The following GOLIM4 variants were observed in gnomAD, a reference collection of about 807,000 sequenced individuals.
GOLIM4 encodes the protein golgi integral membrane protein 4.
GOLIM4 carries 71 observed loss-of-function variants against 107.4 expected under a neutral mutation model. The observed-to-expected ratio is 0.66, with a 90% CI of 0.55 to 0.81. The LOEUF (loss-of-function observed/expected upper bound fraction) is 0.81, where lower values mean the gene tolerates loss of function less well. Ranked by LOEUF, GOLIM4 falls within the 30% of genes least tolerant of loss-of-function variation. The pLI is 0.00. For synonymous variants in GOLIM4, 327 were observed against 294.8 expected (o/e 1.11, Z -1.12); for missense variants, 830 against 826.1 (o/e 1.00, Z -0.06).
intron 1 of GOLIM4, among the ~76,000 whole-genome samples, chr3:168,084,775 A>C (rs1377769055): frequency 6.6e-6 from 1 of 152,232 alleles, no homozygotes; most frequent in Non-Finnish European, 1.5e-5. Flanking sequence ...AGTGTTAGTG[A>C]GAATGTGCCT....
At chr3:168,043,972 G>C (rs986226496) in intron 4 of GOLIM4, among the ~76,000 whole-genome samples, 2 of 152,210 alleles carry the variant, frequency 1.3e-5, no homozygotes, top group Non-Finnish European at 2.9e-5. Flanking sequence ...AAAAGAGAGA[G>C]AGTAAATGAG....
intron 1 of GOLIM4, among the ~76,000 whole-genome samples, chr3:168,050,259 G>A (rs1719539966): frequency 1.5e-5 from 2 of 137,186 alleles, no homozygotes; most frequent in African/African-American, 5.8e-5. Flanking sequence ...CAAGTCCACT[G>A]CTAAAAAGTA....
intron 1 of GOLIM4, among the ~76,000 whole-genome samples, chr3:168,062,749 T>C (rs1011345063): frequency 4.6e-5 from 7 of 152,232 alleles, no homozygotes; most frequent in Middle Eastern, 3.4e-3. Flanking sequence ...GTGGTAATCA[T>C]TGACAGAGGG....
chr3:168,080,270 C>T (rs1461865575), intron 1 of GOLIM4, among the ~76,000 whole-genome samples: 2 of 152,124 alleles, frequency 1.3e-5, no homozygotes, highest in African/African-American at 2.4e-5. Flanking sequence ...GTCTGTAACT[C>T]TTAAATATCT....
Position 168,095,394 on chromosome 3 carries a change from G to A in GOLIM4, c.-109C>T, listed in dbSNP as rs557590592. On this transcript the variant is annotated 5_prime_UTR_variant, in exon 1 of 16. Coordinates refer to ENST00000470487, the MANE Select transcript of GOLIM4 (RefSeq NM_014498.5). Reference sequence around the variant, plus strand: ...AGTAGGTGGCCAGACGCAGCATGAGGAGGAGATGCCAGACACAAAAGCCGG... The same window carrying A: ...AGTAGGTGGCCAGACGCAGCATGAGAAGGAGATGCCAGACACAAAAGCCGG... 1.4e-5 allele frequency: 12 copies of A among 885,936 alleles called. No individual in the cohort carries two copies. Among genetic ancestry groups the A allele is most frequent in the African/African-American group, 8.7e-5 (5 of 57,250 alleles). The allele number at this position is 885,936 out of a possible 1,614,324, so 54.9% of individuals were successfully genotyped here. A position where few individuals can be genotyped will look rare whatever the true frequency, so the allele number is the denominator to read the frequency against.
intron 1 of GOLIM4, among the ~76,000 whole-genome samples, chr3:168,084,085 G>A (rs533826905): frequency 1.3e-5 from 2 of 152,152 alleles, no homozygotes; most frequent in South Asian, 2.1e-4. Flanking sequence ...CTGGATCATC[G>A]GGGTGGATTT....
intron 7 of GOLIM4, among the ~76,000 whole-genome samples, chr3:168,037,239 T>C (rs1283801993): frequency 1.3e-5 from 2 of 152,182 alleles, no homozygotes; most frequent in African/African-American, 2.4e-5. Context: ...TAGTTTCCCA[T>C]ACTACACTGA....
At chr3:168,094,836 C>T (rs1722085384) in intron 1 of GOLIM4, among the ~76,000 whole-genome samples, 1 of 152,218 alleles carries the variant, frequency 6.6e-6, no homozygotes, top group Middle Eastern at 3.2e-3. Flanking sequence ...TATCTGTGCA[C>T]CCGCCCACCA....
chr3:168,041,431 T>C lies in GOLIM4; in HGVS notation c.561A>G (p.Lys187=). 1 of 1,594,138 alleles carries C rather than the reference T, an allele frequency of 6.3e-7. No homozygotes were observed. The highest frequency in any genetic ancestry group is 8.6e-7 in the Non-Finnish European group (1 of 1,162,890). ...GCTGTGTATGTATGTCTTGGTGTGC[T>C]TTCCTTAGTTGTCTATTCTCTTCTC... The part of the protein sequence containing the change: ...NLREENRQLR[K]AHQDIHTQLQ... The change falls in exon 6 of 16, where the codon AAA becomes AAG. Residue 187 remains lysine (K), a synonymous_variant. Transcript: ENST00000470487.
At position 168,009,371 on chromosome 3, in the gene GOLIM4, T is replaced by C. The variant is rs1214392047; in HGVS notation, c.*898A>G. 1 of 135,786 alleles carries C rather than the reference T, an allele frequency of 7.4e-6. No individual in the cohort carries two copies. The highest frequency in any genetic ancestry group is 1.5e-5 in the Non-Finnish European group (1 of 65,660). 8.4% of individuals were successfully genotyped at this position (135,786 alleles called of 1,614,324 possible). On this transcript the variant is annotated 3_prime_UTR_variant, in exon 16 of 16. Coordinates refer to ENST00000470487, the MANE Select transcript of GOLIM4 (RefSeq NM_014498.5). The stretch of plus-strand genomic sequence containing the variant: ...TGAGGCACAGAGCTTAAAGAGGAAA[T>C]ATATATTACTTATAGGGAACCAGAC...
At chr3:168,029,133 C>T (rs1289667817) in intron 11 of GOLIM4, 90 bp downstream of exon 11, 2 of 828,258 alleles carry the variant, frequency 2.4e-6, no homozygotes, top group African/African-American at 3.4e-5. Context: ...GCATACAGCT[C>T]ATTGATGTTA....
chr3:168,036,196 G>A (rs1342161039), intron 8 of GOLIM4, among the ~76,000 whole-genome samples: 1 of 152,172 alleles, frequency 6.6e-6, no homozygotes, highest in African/African-American at 2.4e-5. Flanking sequence ...ACTCCTTGAA[G>A]ACAAATAAAC....
At chr3:168,034,911 C>T in intron 8 of GOLIM4, among the ~76,000 whole-genome samples, 1 of 152,156 alleles carries the variant, frequency 6.6e-6, no homozygotes, top group Non-Finnish European at 1.5e-5. Context: ...GTGAGGCTTC[C>T]CCAGCCATGT....
chr3:168,035,259 A>T (rs1325957738), intron 8 of GOLIM4, among the ~76,000 whole-genome samples: 1 of 152,216 alleles, frequency 6.6e-6, no homozygotes, highest in Non-Finnish European at 1.5e-5. Flanking sequence ...CTGCTCCAAG[A>T]CCTAAAGATA....
At position 168,025,024 on chromosome 3, in the gene GOLIM4, G is replaced by A. The variant is rs201351775; in HGVS notation, c.1695C>T (p.Ala565=). The A allele has an allele frequency of 1.3e-4, 203 of 1,613,506 alleles. No individual in the cohort carries two copies. In the East Asian group the frequency reaches 3.3e-3, roughly 26 times the overall value. ...GCAAATTTTCTTCTCTCACTTGCTC[G>A]GCTTCTTCAAATTCATCCTCACCTT... ...NNQGEDEFEE[A]EQVREENLPD... is the part of the protein sequence containing the mutation. The change falls in exon 13 of 16, where the codon GCC becomes GCT. Residue 565 remains alanine, a synonymous_variant. Coordinates refer to ENST00000470487, the MANE Select transcript of GOLIM4 (RefSeq NM_014498.5).
intron 1 of GOLIM4, among the ~76,000 whole-genome samples, chr3:168,092,003 C>G (rs112659483): frequency 6.6e-6 from 1 of 152,124 alleles, no homozygotes; most frequent in African/African-American, 2.4e-5. Context: ...ACAGGAATCA[C>G]CAGGGGAGCT....
chr3:168,068,617 T>C (rs1444455318), intron 1 of GOLIM4, among the ~76,000 whole-genome samples: 1 of 151,852 alleles, frequency 6.6e-6, no homozygotes, highest in Non-Finnish European at 1.5e-5. Context: ...TGTTCATCTA[T>C]TTTTTTCTTA....
At chr3:168,037,610 T>C (rs547534413) in intron 7 of GOLIM4, among the ~76,000 whole-genome samples, 29 of 152,282 alleles carry the variant, frequency 1.9e-4, no homozygotes, top group Non-Finnish European at 2.2e-4. Context: ...AGCTGTGATA[T>C]AGACTGGATT....
intron 4 of GOLIM4, 46 bp from the exon 5 acceptor site, chr3:168,043,575 T>A (rs369438792): frequency 6.7e-7 from 1 of 1,483,406 alleles, no homozygotes. Flanking sequence ...CTCTGAATTA[T>A]ATGAGAGTCT....
Sources: gnomAD v4.1 joint callset for allele counts (sites outside exome capture counted in the v4.1 genomes callset) on GRCh38, gnomAD v4.1.1 for gene constraint, MANE v1.5 for transcripts, NCBI Gene and HGNC (gene_info 2026-07-23, HGNC 2026-07-21) for gene names.